The following TBC1D32 variants were observed in gnomAD, a reference collection of about 807,000 sequenced individuals.
TBC1D32 encodes TBC1 domain family member 32.
A neutral mutation model predicts 170.3 loss-of-function variants in TBC1D32; 151 were observed. The observed-to-expected ratio is 0.89, with a 90% confidence interval of 0.78 to 1.01. The LOEUF (loss-of-function observed/expected upper bound fraction) is 1.01. TBC1D32 is among the 50% of genes least tolerant of loss of function. TBC1D32 has a pLI of 0.00. For synonymous variants in TBC1D32, 498 were observed against 488.0 expected (o/e 1.02, Z -0.27); for missense variants, 1,464 against 1,457.1 (o/e 1.00, Z -0.08).
intron 20 of TBC1D32, among the ~76,000 whole-genome samples, chr6:121,225,328 G>T (rs1794940494): frequency 6.6e-6 from 1 of 151,948 alleles, no homozygotes; most frequent in African/African-American, 2.4e-5. Flanking sequence ...ATTTAAATCT[G>T]CAAAGATGTT....
At chr6:121,137,119 G>A (rs1316361704) in intron 24 of TBC1D32, among the ~76,000 whole-genome samples, 2 of 151,968 alleles carry the variant, frequency 1.3e-5, no homozygotes, top group African/African-American at 4.8e-5. Context: ...TGAAATACAG[G>A]CTCCTGTAAT....
chr6:121,304,908 G>A, intron 5 of TBC1D32, 75 bp from the exon 6 acceptor site: 4 of 961,014 alleles, frequency 4.2e-6, no homozygotes, highest in Non-Finnish European at 6.4e-6. Context: ...TTTTCACACA[G>A]TAAAAACTCA....
At chr6:121,271,317 C>A (rs573289421) in intron 15 of TBC1D32, among the ~76,000 whole-genome samples, 1 of 152,256 alleles carries the variant, frequency 6.6e-6, no homozygotes, top group South Asian at 2.1e-4. Flanking sequence ...AAGAGGAAGT[C>A]AAATTGTCCC....
rs755702957 is a variant in TBC1D32 at position 121,310,822 on chromosome 6, A to T, written c.521T>A (p.Leu174Ter). ...NQSYKFCQGK[L>*]QLILDQLDPG... is the part of the protein sequence containing the mutation. ...ATCCAACTGGTCTAAAATCAATTGT[A>T]ATTTTCCTTGACAAAATTTGTAACT... The change falls in exon 4 of 32, where the codon TTA becomes TAA. Residue 174 changes from leucine to a stop codon, truncating the protein, a stop_gained. Coordinates refer to ENST00000398212, the MANE Select transcript of TBC1D32 (RefSeq NM_152730.6). LOFTEE classifies it high-confidence loss of function. 47 of 1,586,652 alleles carry T rather than the reference A, an allele frequency of 3.0e-5. No individual in the cohort carries two copies. The highest frequency in any genetic ancestry group is 4.0e-5 in the Non-Finnish European group (47 of 1,162,354).
chr6:121,334,506 C>G, upstream of TBC1D32: 1 of 1,482,188 alleles, frequency 6.7e-7, no homozygotes, highest in East Asian at 2.6e-5. Context: ...CGCACGCGCA[C>G]CCCCACCCAG....
chr6:121,261,504 G>A (rs987620492), intron 15 of TBC1D32, among the ~76,000 whole-genome samples: 1 of 152,094 alleles, frequency 6.6e-6, no homozygotes, highest in Non-Finnish European at 1.5e-5. Flanking sequence ...GGCCTGAAGT[G>A]AACCCCCAGC....
intron 30 of TBC1D32, among the ~76,000 whole-genome samples, chr6:121,104,309 T>C (rs576894482): frequency 1.3e-5 from 2 of 151,782 alleles, no homozygotes; most frequent in East Asian, 3.9e-4. Flanking sequence ...TCATAGAATA[T>C]ATTGGTGAAA....
At chr6:121,105,918 C>T in intron 30 of TBC1D32, 105 bp downstream of exon 30, 5 of 1,236,698 alleles carry the variant, frequency 4.0e-6, no homozygotes, top group Non-Finnish European at 5.4e-6. Context: ...ATTTTAAATA[C>T]ACTTTTATTA....
chr6:121,080,435 C>T lies in TBC1D32; in HGVS notation c.*336G>A, dbSNP rs143424391. ...TTCACCATTTTGGCCAGGATGGTCT[C>T]GATCTCTTGACCTCGTGATCCGCCC... On this transcript the variant is annotated 3_prime_UTR_variant, in exon 32 of 32. Transcript: ENST00000398212. 5.5e-3 allele frequency: 1,380 copies of T among 250,174 alleles called. 15 individuals are homozygous for T. Among genetic ancestry groups the T allele is most frequent in the African/African-American group, 0.03 (1,287 of 43,378 alleles). 15.5% of individuals were successfully genotyped at this position (250,174 alleles called of 1,614,324 possible).
intron 21 of TBC1D32, among the ~76,000 whole-genome samples, chr6:121,208,110 A>G (rs1248673805): frequency 6.8e-6 from 1 of 146,892 alleles, no homozygotes; most frequent in Non-Finnish European, 1.5e-5. Context: ...ACACACACCA[A>G]AAAAAAAAAA....
At chr6:121,123,640 G>C (rs1780518365) in intron 26 of TBC1D32, among the ~76,000 whole-genome samples, 1 of 151,922 alleles carries the variant, frequency 6.6e-6, no homozygotes, top group African/African-American at 2.4e-5. Context: ...TAAGTGGAGT[G>C]AGTTTCTTGT....
intron 22 of TBC1D32, among the ~76,000 whole-genome samples, chr6:121,185,891 T>C (rs1323809735): frequency 2.0e-5 from 3 of 152,072 alleles, no homozygotes; most frequent in Non-Finnish European, 4.4e-5. Context: ...GAATGGCATG[T>C]TGAAAACTCA....
At chr6:121,218,840 G>A (rs1471125247) in intron 21 of TBC1D32, among the ~76,000 whole-genome samples, 2 of 151,988 alleles carry the variant, frequency 1.3e-5, no homozygotes, top group African/African-American at 4.8e-5. Flanking sequence ...GTTTTATAAG[G>A]GATTTTTCCC....
chr6:121,292,002 A>C, intron 12 of TBC1D32, 51 bp downstream of exon 12: 2 of 1,492,030 alleles, frequency 1.3e-6, no homozygotes, highest in African/African-American at 2.8e-5. Flanking sequence ...ACTCCACCAT[A>C]TATAAATCTT....
At chr6:121,323,912 C>T (rs987947080) in intron 1 of TBC1D32, among the ~76,000 whole-genome samples, 2 of 152,106 alleles carry the variant, frequency 1.3e-5, no homozygotes, top group African/African-American at 4.8e-5. Context: ...TGCACTCCAG[C>T]TTGGTGACAG....
At chr6:121,269,709 A>G (rs1801085139) in intron 15 of TBC1D32, among the ~76,000 whole-genome samples, 1 of 152,198 alleles carries the variant, frequency 6.6e-6, no homozygotes, top group South Asian at 2.1e-4. Context: ...TCAAAGAGAT[A>G]GAAAGTTAAC....
chr6:121,171,336 A>G (rs1786963515), intron 22 of TBC1D32, among the ~76,000 whole-genome samples: 1 of 151,478 alleles, frequency 6.6e-6, no homozygotes, highest in Non-Finnish European at 1.5e-5. Context: ...AAAAAAAAAA[A>G]AGGACCAAAT....
intron 17 of TBC1D32, among the ~76,000 whole-genome samples, chr6:121,245,253 G>A (rs1797447867): frequency 6.6e-6 from 1 of 152,172 alleles, no homozygotes; most frequent in Non-Finnish European, 1.5e-5. Context: ...TCCACTGCTG[G>A]GAGACTTGAA....
intron 1 of TBC1D32, among the ~76,000 whole-genome samples, chr6:121,329,512 C>T (rs1307803712): frequency 6.6e-6 from 1 of 151,932 alleles, no homozygotes; most frequent in Non-Finnish European, 1.5e-5. Flanking sequence ...ATTAGCCAGG[C>T]GTGGTGGCAA....
Sources: allele counts gnomAD v4.1 joint callset (sites outside exome capture counted in the v4.1 genomes callset), GRCh38; gene constraint gnomAD v4.1.1; transcripts MANE v1.5; gene names NCBI Gene and HGNC (gene_info 2026-07-23, HGNC 2026-07-21).